ADAM10: variants seen among roughly 807,000 people sequenced by gnomAD.
ADAM10 encodes ADAM metallopeptidase domain 10.
In ADAM10, 17 loss-of-function variants were observed where a neutral mutation model predicts 90.1. The ratio of observed to expected loss-of-function variants is 0.19; its 90% confidence interval spans 0.13 to 0.28. The LOEUF is 0.28. Among genes scored for constraint, ADAM10 ranks in the 10% least tolerant of loss-of-function variants. The probability of loss-of-function intolerance (pLI) is 1.00; values close to 1 mark genes in which losing one functional copy is unlikely to be tolerated. For synonymous variants in ADAM10, 310 were observed against 298.6 expected, an observed-to-expected ratio of 1.04 and a Z score of -0.40; for missense variants, 610 against 914.3, an observed-to-expected ratio of 0.67 and a Z score of 4.29.
At chr15:58,705,992 C>A (rs1898276427) in intron 2 of ADAM10, among the ~76,000 whole-genome samples, 2 of 152,272 alleles carry the variant, frequency 1.3e-5, no homozygotes, top group African/African-American at 4.8e-5. Flanking sequence ...GGGTTTAGTA[C>A]CATCCACAGT....
intron 2 of ADAM10, among the ~76,000 whole-genome samples, chr15:58,710,966 GA>G (rs2140805721): frequency 6.6e-6 from 1 of 152,312 alleles, no homozygotes; most frequent in East Asian, 1.9e-4. Context: ...AAGAACCAGT[GA>G]AGGGAATATT....
At chr15:58,707,342 C>T (rs545824899) in intron 2 of ADAM10, 11 of 151,894 alleles carry the variant, frequency 7.2e-5, no homozygotes, top group African/African-American at 2.7e-4. Context: ...TGAGATCACG[C>T]TACTGCACTC....
chr15:58,709,906 G>C (rs920001651), intron 2 of ADAM10, among the ~76,000 whole-genome samples: 1 of 152,094 alleles, frequency 6.6e-6, no homozygotes, highest in Non-Finnish European at 1.5e-5. Flanking sequence ...GAGGGAGAAA[G>C]TTGAGTTTAT....
chr15:58,700,090 G>A (rs1232470335), intron 2 of ADAM10, among the ~76,000 whole-genome samples: 4 of 152,062 alleles, frequency 2.6e-5, no homozygotes, highest in Admixed American at 6.6e-5. Context: ...CACCCATTAC[G>A]TAATGCAAAT....
chr15:58,716,023 T>C (rs1898647453), intron 2 of ADAM10, among the ~76,000 whole-genome samples: 2 of 152,144 alleles, frequency 1.3e-5, no homozygotes, highest in Non-Finnish European at 2.9e-5. Flanking sequence ...AAAATGTTTA[T>C]CTAGAAGAAA....
chr15:58,608,975 T>C (rs1006226829), intron 14 of ADAM10, among the ~76,000 whole-genome samples: 1 of 152,114 alleles, frequency 6.6e-6, no homozygotes, highest in Non-Finnish European at 1.5e-5. Context: ...CAGACAAGTA[T>C]ACCAAATTTC....
chr15:58,692,936 T>C (rs1417302677), intron 2 of ADAM10: 1 of 715,082 alleles, frequency 1.4e-6, no homozygotes, highest in Non-Finnish European at 2.6e-6. Context: ...ATGCCTGTGT[T>C]GACCAAAGTC....
chr15:58,691,838 G>A (rs1444339407), intron 2 of ADAM10, among the ~76,000 whole-genome samples: 1 of 151,648 alleles, frequency 6.6e-6, no homozygotes, highest in Non-Finnish European at 1.5e-5. Context: ...GTTGTGCCCA[G>A]CTAATTTTTG....
rs1327058403 is a variant in ADAM10, at chr15:58,712,271, A to ATGGCAAGGCACGG, written c.206+5305_206+5306insCCGTGCCTTGCCA. 2.0e-5 allele frequency among the ~76,000 whole-genome samples: 3 copies of ATGGCAAGGCACGG among 152,312 alleles called. No homozygotes were observed. In the South Asian group the frequency reaches 6.2e-4, roughly 32 times the overall value. On this transcript the variant is annotated intron_variant, in intron 2 of 15. Coordinates refer to ENST00000260408, the MANE Select transcript of ADAM10 (RefSeq NM_001110.4). ...AAAGTACATGATGGTTAAGATAGGA[A>ATGGCAAGGCACGG]TGGCCAGGCACGGTGGCTCACACCT...
intron 2 of ADAM10, among the ~76,000 whole-genome samples, chr15:58,714,709 T>C (rs540253704): frequency 5.3e-4 from 81 of 151,894 alleles, no homozygotes; most frequent in Non-Finnish European, 1.0e-3. Context: ...ATAAAACATA[T>C]TCGTATTAAA....
chr15:58,665,262 A>C, intron 4 of ADAM10, 65 bp from the exon 5 acceptor site: 4 of 1,257,982 alleles, frequency 3.2e-6, no homozygotes, highest in Middle Eastern at 1.9e-4. Context: ...ATAAATGAGA[A>C]TTACAAGTAA....
intron 8 of ADAM10, among the ~76,000 whole-genome samples, chr15:58,637,455 T>C (rs1249654299): frequency 5.3e-5 from 8 of 152,116 alleles, no homozygotes; most frequent in African/African-American, 1.9e-4. Flanking sequence ...TTTCCTGAAT[T>C]TACAGACAGA....
At chr15:58,720,190 C>A (rs1340919160) in intron 1 of ADAM10, among the ~76,000 whole-genome samples, 1 of 152,080 alleles carries the variant, frequency 6.6e-6, no homozygotes, top group Non-Finnish European at 1.5e-5. Flanking sequence ...CTTACGAGCA[C>A]AAAGAGCGGC....
chr15:58,603,337 C>A (rs1232106545), intron 14 of ADAM10, among the ~76,000 whole-genome samples: 1 of 152,150 alleles, frequency 6.6e-6, no homozygotes, highest in African/African-American at 2.4e-5. Flanking sequence ...GAAAGTTTAG[C>A]ATCCCTGGCC....
chr15:58,696,266 T>C (rs1392114582), intron 2 of ADAM10, among the ~76,000 whole-genome samples: 3 of 150,980 alleles, frequency 2.0e-5, no homozygotes, highest in Non-Finnish European at 4.4e-5. Flanking sequence ...CAAGTCTGGG[T>C]GACAGAGTGA....
intron 9 of ADAM10, among the ~76,000 whole-genome samples, chr15:58,628,674 A>G (rs1367092739): frequency 6.6e-6 from 1 of 152,176 alleles, no homozygotes; most frequent in Non-Finnish European, 1.5e-5. Flanking sequence ...ATATGCACTA[A>G]AACAACCCTC....
Position 58,745,525 on chromosome 15 carries a change from A to T in ADAM10, c.55+3955T>A, listed in dbSNP as rs919982820. Reference sequence around the variant, plus strand: ...TACTATTATGAAAACGGGTTTTTTTAAAAAACATCTAATAACCTAATGCTG... The same window carrying T: ...TACTATTATGAAAACGGGTTTTTTTTAAAAACATCTAATAACCTAATGCTG... On this transcript the variant is annotated intron_variant, in intron 1 of 15. Coordinates refer to ENST00000260408, the MANE Select transcript of ADAM10 (RefSeq NM_001110.4). 5.3e-5 allele frequency among the ~76,000 whole-genome samples: 8 copies of T among 152,182 alleles called. No individual in the cohort carries two copies. The East Asian group carries it at 1.5e-3, about 29-fold the overall frequency.
intron 2 of ADAM10, among the ~76,000 whole-genome samples, chr15:58,698,630 C>T (rs1898048101): frequency 6.7e-6 from 1 of 148,434 alleles, no homozygotes; most frequent in African/African-American, 2.5e-5. Flanking sequence ...AATGCAACTA[C>T]TGGAAGTAAA....
intron 2 of ADAM10, among the ~76,000 whole-genome samples, chr15:58,685,378 G>A (rs903294648): frequency 8.6e-5 from 13 of 151,006 alleles, no homozygotes; most frequent in East Asian, 1.9e-4. Flanking sequence ...GGAGAATGGC[G>A]TGAACCCGGG....
Sources: gnomAD v4.1 joint callset for allele counts (sites outside exome capture counted in the v4.1 genomes callset) on GRCh38, gnomAD v4.1.1 for gene constraint, MANE v1.5 for transcripts, NCBI Gene and HGNC (gene_info 2026-07-23, HGNC 2026-07-21) for gene names.